Variants in MFSD1 observed in about 807,000 individuals in gnomAD.
The protein encoded by MFSD1 is lysosomal dipeptide transporter MFSD1.
Under a neutral mutation model 67.1 loss-of-function variants are expected in MFSD1, and 59 were observed. The observed-to-expected ratio is 0.88, with a 90% CI of 0.71 to 1.09. MFSD1 has a LOEUF of 1.09. Ranked by LOEUF, MFSD1 falls within the 50% of genes least tolerant of loss-of-function variation. The pLI, the probability that MFSD1 is intolerant of heterozygous loss-of-function variation, is 0.00. For missense variants in MFSD1, 552 were observed against 566.1 expected (o/e 0.97, Z 0.25); for synonymous variants, 213 against 200.3 (o/e 1.06, Z -0.54).
chr3:158,805,782 G>GGCTGTTCTGA (rs1218253084), intron 3 of MFSD1, among the ~76,000 whole-genome samples: 1 of 152,096 alleles, frequency 6.6e-6, no homozygotes, highest in East Asian at 1.9e-4. Context: ...TCATCTTCCT[G>GGCTGTTCTGA]GCTGTTCTGA....
Position 158,822,076 on chromosome 3 carries a change from T to TAG in MFSD1, c.1014_1015dup (p.Ala339GlufsTer9). On this transcript the variant is annotated frameshift_variant, in exon 11 of 16. Transcript: ENST00000415822. LOFTEE classifies it high-confidence loss of function. ...AACATCATCTGGGTTCTTTGCGCAG[T>TAG]AGCAGCCACTCTTGTGTCCCACATG... The TAG allele has an allele frequency of 6.2e-7, 1 of 1,614,004 alleles. No homozygotes were observed. The highest frequency in any genetic ancestry group is 8.5e-7 in the Non-Finnish European group (1 of 1,179,910).
Position 158,822,069 on chromosome 3 carries a change from T to G in MFSD1, c.1006T>G (p.Cys336Gly), listed in dbSNP as rs1230509202. The change falls in exon 11 of 16, where the codon TGC becomes GGC. Residue 336 changes from cysteine to glycine, a missense_variant. Physicochemically the swap from Cys to Gly is radical, Grantham distance 159 (BLOSUM62 -3). Transcript: ENST00000415822. ...KTGKNIIWVL[C>G]AVAATLVSHM... ...AGGGAAGAACATCATCTGGGTTCTT[T>G]GCGCAGTAGCAGCCACTCTTGTGTC... 1 of 1,613,988 alleles carries G rather than the reference T, an allele frequency of 6.2e-7. No individual in the cohort carries two copies. The highest frequency in any genetic ancestry group is 8.5e-7 in the Non-Finnish European group (1 of 1,179,902).
intron 7 of MFSD1, among the ~76,000 whole-genome samples, chr3:158,817,127 C>T (rs1312849451): frequency 6.6e-6 from 1 of 152,124 alleles, no homozygotes; most frequent in Non-Finnish European, 1.5e-5. Context: ...CTATAGCAAA[C>T]CCACAGCCAA....
intron 15 of MFSD1, among the ~76,000 whole-genome samples, chr3:158,828,529 T>A (rs2108242424): frequency 6.6e-6 from 1 of 152,228 alleles, no homozygotes; most frequent in East Asian, 1.9e-4. Flanking sequence ...TGGTTAAATA[T>A]ATCATGACAC....
intron 8 of MFSD1, 57 bp from the exon 9 acceptor site, chr3:158,820,158 G>A (rs1370210000): frequency 2.2e-5 from 19 of 881,376 alleles, no homozygotes; most frequent in Non-Finnish European, 3.3e-5. Flanking sequence ...GACTATAGAT[G>A]AAAGCTCCTT....
chr3:158,821,271 G>C (rs1262072829), intron 9 of MFSD1, among the ~76,000 whole-genome samples: 2 of 152,124 alleles, frequency 1.3e-5, no homozygotes, highest in African/African-American at 4.8e-5. Flanking sequence ...TTATTATTTA[G>C]CAAAGAACCC....
At position 158,820,017 on chromosome 3, in the gene MFSD1, T is replaced by C. The variant is rs1730592540; in HGVS notation, c.752-198T>C. ...GAGCAGGAAAGGTAGATGCCAGTCT[T>C]AGTCTTAGGTTTTGCTTTTTCTTAT... On this transcript the variant is annotated intron_variant, in intron 8 of 15. Coordinates refer to ENST00000415822, the MANE Select transcript of MFSD1 (RefSeq NM_022736.4). 3.9e-5 allele frequency among the ~76,000 whole-genome samples: 6 copies of C among 152,346 alleles called. No homozygotes were observed. In the Middle Eastern group the frequency reaches 0.02, roughly 518 times the overall value.
At chr3:158,808,446 A>G (rs182481864) in intron 5 of MFSD1, among the ~76,000 whole-genome samples, 1 of 152,324 alleles carries the variant, frequency 6.6e-6, no homozygotes, top group Admixed American at 6.5e-5. Flanking sequence ...AGTGTTGAAT[A>G]TGGAAAGTGA....
chr3:158,820,316 G>A lies in MFSD1; in HGVS notation c.853G>A (p.Gly285Arg), dbSNP rs373865103. The A allele has an allele frequency of 6.3e-7, 1 of 1,599,008 alleles. No homozygotes were observed. The highest frequency in any genetic ancestry group is 1.3e-5 in the African/African-American group (1 of 74,526). The change falls in exon 9 of 16, where the codon GGA becomes AGA. Residue 285 changes from glycine (G) to arginine (R), a missense_variant. Transcript: ENST00000415822. ...CYYVAVFPFI[G>R]LGKVFFTEKF... ...TTATGTTGCTGTGTTCCCTTTTATT[G>A]GACTTGGGAAGTGAGTATTCTCTAT...
chr3:158,811,329 T>C (rs140146633), intron 6 of MFSD1, among the ~76,000 whole-genome samples: 2 of 152,284 alleles, frequency 1.3e-5, no homozygotes, highest in East Asian at 3.9e-4. Flanking sequence ...GTTTTGGTCG[T>C]GTTAGGTTAG....
intron 1 of MFSD1, chr3:158,802,579 G>A (rs1729514840): frequency 1.4e-6 from 1 of 693,632 alleles, no homozygotes; most frequent in Non-Finnish European, 2.6e-6. Context: ...TAAGTCCCAG[G>A]GGCTAGCGAC....
At chr3:158,827,640 T>G (rs1298026880) in intron 15 of MFSD1, among the ~76,000 whole-genome samples, 2 of 152,016 alleles carry the variant, frequency 1.3e-5, no homozygotes, top group African/African-American at 4.8e-5. Context: ...GGTCTAGAAC[T>G]CCTGGGCTCA....
At position 158,824,186 on chromosome 3, in the gene MFSD1, A is replaced by C; in HGVS notation, c.1238A>C (p.Asp413Ala). The C allele has an allele frequency of 6.2e-7, 1 of 1,613,024 alleles. No individual in the cohort carries two copies. Among genetic ancestry groups the C allele is most frequent in the Non-Finnish European group, 8.5e-7 (1 of 1,179,650 alleles). ...TCCATCATTGCTGGTATGATACTGGATTCTCGGGGGTATTTGTTTTTGGAA... is the reference window on the plus strand; with the variant it reads ...TCCATCATTGCTGGTATGATACTGGCTTCTCGGGGGTATTTGTTTTTGGAA... ...IISIIAGMIL[D>A]SRGYLFLEVF... Residue 413 changes from aspartate to alanine, a missense_variant, in exon 13 of 16, where the codon GAT (aspartate) becomes GCT (alanine). Coordinates refer to ENST00000415822, the MANE Select transcript of MFSD1 (RefSeq NM_022736.4).
intron 9 of MFSD1, among the ~76,000 whole-genome samples, chr3:158,820,544 C>T (rs918144354): frequency 5.9e-5 from 9 of 152,160 alleles, no homozygotes; most frequent in African/African-American, 2.2e-4. Context: ...ACCTGTATTA[C>T]TCCACTCTCA....
intron 13 of MFSD1, 56 bp downstream of exon 13, chr3:158,824,292 T>C (rs1488603488): frequency 7.2e-6 from 9 of 1,244,658 alleles, no homozygotes; most frequent in African/African-American, 3.0e-5. Context: ...AGAATGTTCT[T>C]ATTTTTACTT....
chr3:158,827,915 G>GGGGAGAGAGAGAGAGAGAGAGAGA (rs1731075460), intron 15 of MFSD1, among the ~76,000 whole-genome samples: 1 of 82,406 alleles, frequency 1.2e-5, no homozygotes. Context: ...AGAGAGAGGG[G>GGGGAGAGAGAGAGAGAGAGAGAGA]GAGAGAGAGA....
intron 7 of MFSD1, among the ~76,000 whole-genome samples, chr3:158,814,605 G>A (rs989593515): frequency 6.6e-6 from 1 of 152,132 alleles, no homozygotes; most frequent in African/African-American, 2.4e-5. Flanking sequence ...ACAGGCGTGA[G>A]CCACCGCACC....
chr3:158,821,713 A>G, intron 10 of MFSD1, 60 bp downstream of exon 10: 1 of 1,374,402 alleles, frequency 7.3e-7, no homozygotes, highest in Non-Finnish European at 1.0e-6. Flanking sequence ...CTTTATAATC[A>G]AATGTTAAAA....
intron 7 of MFSD1, among the ~76,000 whole-genome samples, chr3:158,817,216 C>T (rs545919215): frequency 4.5e-4 from 69 of 152,274 alleles, no homozygotes; most frequent in African/African-American, 1.4e-3. Flanking sequence ...TCTCACCACT[C>T]CTATTCAACA....
Sources: allele counts gnomAD v4.1 joint callset (sites outside exome capture counted in the v4.1 genomes callset), GRCh38; gene constraint gnomAD v4.1.1; transcripts MANE v1.5; gene names NCBI Gene and HGNC (gene_info 2026-07-23, HGNC 2026-07-21).